NRAP: variants seen among roughly 807,000 people sequenced by gnomAD.
NRAP encodes the protein nebulin related anchoring protein.
NRAP carries 189 observed loss-of-function variants against 225.9 expected under a neutral mutation model. The ratio of observed to expected loss-of-function variants is 0.84; its 90% CI spans 0.74 to 0.94. The LOEUF (loss-of-function observed/expected upper bound fraction) is 0.94. Among genes scored for constraint, NRAP ranks in the 40% least tolerant of loss-of-function variants. The probability of loss-of-function intolerance (pLI) is 0.00; values close to 1 mark genes in which losing one functional copy is unlikely to be tolerated. For missense variants in NRAP, 2,176 were observed against 2,168.7 expected (o/e 1.00, Z -0.07); for synonymous variants, 769 against 790.7 (o/e 0.97, Z 0.46).
intron 30 of NRAP, among the ~76,000 whole-genome samples, chr10:113,610,905 C>T (rs559022504): frequency 7.1e-4 from 108 of 152,228 alleles, no homozygotes; most frequent in African/African-American, 2.4e-3. Flanking sequence ...TGTCTTGGGG[C>T]AAATGTGGAA....
chr10:113,610,537 A>G lies in NRAP; in HGVS notation c.3525T>C (p.Phe1175=), dbSNP rs570163784. 11 of 1,600,870 alleles carry G rather than the reference A, an allele frequency of 6.9e-6. No individual in the cohort carries two copies. The highest frequency in any genetic ancestry group is 1.3e-5 in the African/African-American group (1 of 74,848). ...GAATGACACATGCAACACCTCGCAT[A>G]AAGTTCAGGTCTGACCGGTACAAAT... ...SENLYRSDLN[F]MRGVACVIPG... is the part of the protein sequence containing the mutation. The change falls in exon 31 of 42, where the codon TTT becomes TTC. Residue 1175 remains phenylalanine, a synonymous_variant. Transcript: ENST00000359988.
rs114001008 is a variant in NRAP, at chr10:113,637,121, G to A, written c.1429-2911C>T. On this transcript the variant is annotated intron_variant, in intron 14 of 41. Transcript: ENST00000359988. ...CATGTCTTCCCTGAGTCTGGGTCTT[G>A]TATTCATTTCATTTTTGCCTGTCCT... 8.0e-3 allele frequency among the ~76,000 whole-genome samples: 1,215 copies of A among 152,020 alleles called. 28 individuals carry two copies. The highest frequency in any genetic ancestry group is 0.028 in the African/African-American group (1,157 of 41,442).
chr10:113,636,738 G>A (rs1419237251), intron 14 of NRAP, among the ~76,000 whole-genome samples: 1 of 152,128 alleles, frequency 6.6e-6, no homozygotes, highest in African/African-American at 2.4e-5. Flanking sequence ...GCCAGGGGCA[G>A]TGGCTCATGC....
chr10:113,612,126 G>T (rs1423892316), intron 30 of NRAP, 108 bp downstream of exon 30: 4 of 845,444 alleles, frequency 4.7e-6, no homozygotes. Context: ...CTTGGGTTTA[G>T]GATTTCTCAC....
At chr10:113,630,834 A>G (rs1441034352) in intron 18 of NRAP, among the ~76,000 whole-genome samples, 1 of 152,192 alleles carries the variant, frequency 6.6e-6, no homozygotes, top group African/African-American at 2.4e-5. Context: ...ATCCAACTGT[A>G]CCATCAGAGC....
chr10:113,653,873 C>A, intron 5 of NRAP, 148 bp downstream of exon 5: 1 of 678,708 alleles, frequency 1.5e-6, no homozygotes, highest in East Asian at 2.5e-5. Flanking sequence ...CTGACTCTGA[C>A]CCTCCTGGTT....
chr10:113,633,315 C>T (rs1437595393), intron 15 of NRAP, 127 bp from the exon 16 acceptor site: 8 of 598,680 alleles, frequency 1.3e-5, no homozygotes, highest in East Asian at 2.8e-5. Context: ...TTTTACAAGG[C>T]AGCCTGTACT....
chr10:113,591,594 G>C (rs988609011), intron 39 of NRAP, among the ~76,000 whole-genome samples: 1 of 152,234 alleles, frequency 6.6e-6, no homozygotes, highest in Non-Finnish European at 1.5e-5. Flanking sequence ...CTGTTCCCAG[G>C]TGCGCCTCCG....
intron 29 of NRAP, among the ~76,000 whole-genome samples, chr10:113,613,776 A>G (rs1847469358): frequency 6.6e-6 from 1 of 152,212 alleles, no homozygotes; most frequent in South Asian, 2.1e-4. Context: ...AACCAACTGT[A>G]GCCTTAAGGA....
chr10:113,641,801 A>G (rs1175851817), intron 12 of NRAP, among the ~76,000 whole-genome samples: 1 of 152,150 alleles, frequency 6.6e-6, no homozygotes, highest in Admixed American at 6.5e-5. Flanking sequence ...AAAATTTACC[A>G]TGAGACAGTG....
Position 113,629,117 on chromosome 10 carries a change from C to A in NRAP, c.2041-96G>T. ...TAAGAAGATCTTGATCCTGCATTTG[C>A]CTTCCTAGAAGAACTGCTCCCTGCT... On this transcript the variant is annotated intron_variant, in intron 19 of 41. Coordinates refer to ENST00000359988, the MANE Select transcript of NRAP (RefSeq NM_198060.4). 7 of 915,340 alleles carry A rather than the reference C, an allele frequency of 7.6e-6. No individual in the cohort carries two copies. In the Admixed American group the frequency reaches 1.1e-4, roughly 14 times the overall value. The allele number at this position is 915,340 out of a possible 1,614,324, so 56.7% of individuals were successfully genotyped here. A position where few individuals can be genotyped will look rare whatever the true frequency, so the allele number is the denominator to read the frequency against.
chr10:113,629,832 C>T (rs534850355), intron 18 of NRAP, 47 bp from the exon 19 acceptor site: 1 of 1,320,878 alleles, frequency 7.6e-7, no homozygotes, highest in African/African-American at 1.4e-5. Flanking sequence ...GAAGCCCACC[C>T]TTTGCAGGAG....
At chr10:113,648,004 G>A (rs1022102898) in intron 9 of NRAP, among the ~76,000 whole-genome samples, 2 of 152,266 alleles carry the variant, frequency 1.3e-5, no homozygotes, top group South Asian at 2.1e-4. Flanking sequence ...CAGTCTCCTC[G>A]TGGAAGTCCC....
At chr10:113,600,241 G>T (rs1846521738) in intron 35 of NRAP, among the ~76,000 whole-genome samples, 1 of 150,528 alleles carries the variant, frequency 6.6e-6, no homozygotes, top group Non-Finnish European at 1.5e-5. Context: ...TGTGATCATG[G>T]TTCACTGCAG....
At position 113,598,459 on chromosome 10, in the gene NRAP, T is replaced by A. The variant is rs552606022; in HGVS notation, c.4228-386A>T. 1.7e-3 allele frequency among the ~76,000 whole-genome samples: 228 copies of A among 131,036 alleles called. 1 individual carries two copies. Among genetic ancestry groups the A allele is most frequent in the Non-Finnish European group, 2.5e-3 (155 of 62,584 alleles). 86.0% of individuals were successfully genotyped at this position (131,036 alleles called of 152,430 possible). On this transcript the variant is annotated intron_variant, in intron 35 of 41. Transcript: ENST00000359988. ...CCCGCCTGCCTAAATAGAAACATTC[T>A]GCACACTGTTCAGGCTTTGAACTCT...
intron 27 of NRAP, among the ~76,000 whole-genome samples, 156 bp downstream of exon 27, chr10:113,615,556 T>C (rs1411453465): frequency 6.6e-6 from 1 of 152,184 alleles, no homozygotes; most frequent in Non-Finnish European, 1.5e-5. Context: ...GATGAAAATG[T>C]GGGGCCCCTT....
chr10:113,590,671 A>G lies in NRAP; in HGVS notation c.4863T>C (p.Asp1621=), dbSNP rs373047922. The change falls in exon 40 of 42, where the codon GAT becomes GAC. Residue 1621 remains aspartate (D), a synonymous_variant. Coordinates refer to ENST00000359988, the MANE Select transcript of NRAP (RefSeq NM_198060.4). The part of the protein sequence containing the change: ...QAKRSQQLAS[D]VHYRQPLPQP... ...GGGGCAGGGGCTGCCTGTAGTGCAC[A>G]TCACTGGCCAGCTGCTGGCTCCTCT... The G allele has an allele frequency of 1.4e-4, 233 of 1,614,052 alleles. No individual in the cohort carries two copies. Among genetic ancestry groups the G allele is most frequent in the Admixed American group, 4.5e-4 (27 of 60,010 alleles).
chr10:113,622,779 G>A (rs1848073924), intron 23 of NRAP, among the ~76,000 whole-genome samples: 1 of 152,190 alleles, frequency 6.6e-6, no homozygotes, highest in South Asian at 2.1e-4. Flanking sequence ...CACAGGACAA[G>A]CCTGTGTAAC....
chr10:113,629,969 G>A (rs185591907), intron 18 of NRAP, among the ~76,000 whole-genome samples, 184 bp from the exon 19 acceptor site: 239 of 152,306 alleles, frequency 1.6e-3, no homozygotes, highest in Non-Finnish European at 2.3e-3. Flanking sequence ...TGAGGGAGCT[G>A]AGGTTCCATA....
Sources: gnomAD v4.1 joint callset for allele counts (sites outside exome capture counted in the v4.1 genomes callset) on GRCh38, gnomAD v4.1.1 for gene constraint, MANE v1.5 for transcripts, NCBI Gene and HGNC (gene_info 2026-07-23, HGNC 2026-07-21) for gene names.